ADD3: variants seen among roughly 807,000 people sequenced by gnomAD.
ADD3 encodes gamma-adducin.
Under a neutral mutation model 80.2 loss-of-function variants are expected in ADD3, and 25 were observed. The observed-to-expected ratio is 0.31, with a 90% CI of 0.23 to 0.44. The LOEUF (loss-of-function observed/expected upper bound fraction) is 0.44, where lower values mean the gene tolerates loss of function less well. Ranked by LOEUF, ADD3 falls within the 20% of genes least tolerant of loss-of-function variation. The pLI, the probability that ADD3 is intolerant of heterozygous loss-of-function variation, is 1.00. For missense variants in ADD3, 829 were observed against 847.5 expected (o/e 0.98, Z 0.27); for synonymous variants, 284 against 289.6 (o/e 0.98, Z 0.20).
chr10:110,098,897 C>T (rs1331939937), intron 1 of ADD3, among the ~76,000 whole-genome samples: 2 of 151,976 alleles, frequency 1.3e-5, no homozygotes, highest in East Asian at 1.9e-4. Flanking sequence ...CAAAGTGCTG[C>T]GATTATGGGC....
chr10:110,122,378 T>G, intron 9 of ADD3, 86 bp downstream of exon 9: 1 of 1,232,772 alleles, frequency 8.1e-7, no homozygotes, highest in Non-Finnish European at 1.1e-6. Flanking sequence ...ACATGCTCCA[T>G]ACTCTTCCAG....
intron 1 of ADD3, among the ~76,000 whole-genome samples, chr10:110,048,117 C>T (rs998255835): frequency 5.3e-5 from 8 of 152,118 alleles, no homozygotes; most frequent in Non-Finnish European, 1.2e-4. Context: ...CCTTAAGTCT[C>T]ACGAGATGTG....
Position 110,101,962 on chromosome 10 carries a change from A to G in ADD3, c.195+1114A>G, listed in dbSNP as rs118147427. Reference sequence around the variant, plus strand: ...CTGCCTGAAGTAGCCCTGGTAAATCATTTTTGTTGTGTCCTTGTGAATTTA... The same window carrying G: ...CTGCCTGAAGTAGCCCTGGTAAATCGTTTTTGTTGTGTCCTTGTGAATTTA... On this transcript the variant is annotated intron_variant, in intron 2 of 14. Coordinates refer to ENST00000356080, the MANE Select transcript of ADD3 (RefSeq NM_016824.5). 7.5e-3 allele frequency among the ~76,000 whole-genome samples: 1,144 copies of G among 152,292 alleles called. 5 individuals carry two copies. Among genetic ancestry groups the G allele is most frequent in the Non-Finnish European group, 0.012 (838 of 68,032 alleles).
At chr10:110,059,043 C>T (rs536345327) in intron 1 of ADD3, among the ~76,000 whole-genome samples, 2 of 152,174 alleles carry the variant, frequency 1.3e-5, no homozygotes, top group Non-Finnish European at 2.9e-5. Context: ...CTCTTTTCAC[C>T]TCCATTACCT....
chr10:110,113,349 C>A (rs7913373), intron 3 of ADD3, among the ~76,000 whole-genome samples: 19,927 of 152,156 alleles, frequency 0.13, 4,193 homozygotes, highest in African/African-American at 0.44. Flanking sequence ...CTCACTGCAA[C>A]CTCCACCTCG....
In ADD3 at chr10:110,133,314, C is replaced by T; in HGVS notation, c.1829-12C>T. ...TGTAAAATAACCCCCAAAAAACCCTCCCCTTTCGTAGAAAACCATGAGCTG... is the reference window on the plus strand; with the variant it reads ...TGTAAAATAACCCCCAAAAAACCCTTCCCTTTCGTAGAAAACCATGAGCTG... On this transcript the variant is annotated splice_polypyrimidine_tract_variant and intron_variant, in intron 14 of 14. Transcript: ENST00000356080. The T allele has an allele frequency of 1.3e-6, 2 of 1,561,254 alleles. No homozygotes were observed. Among genetic ancestry groups the T allele is most frequent in the East Asian group, 2.3e-5 (1 of 43,938 alleles).
chr10:110,093,661 A>G (rs535823403), intron 1 of ADD3, among the ~76,000 whole-genome samples: 1 of 152,280 alleles, frequency 6.6e-6, no homozygotes, highest in Admixed American at 6.5e-5. Flanking sequence ...TTTGGAACTC[A>G]AAGTTGTGTG....
intron 1 of ADD3, chr10:109,997,502 G>C (rs1851403518): frequency 6.6e-6 from 1 of 152,196 alleles, no homozygotes; most frequent in South Asian, 2.1e-4. Context: ...TGCTGCCCTT[G>C]AAATCCCTGC....
chr10:110,111,673 C>T (rs61881641), intron 2 of ADD3, among the ~76,000 whole-genome samples: 4,135 of 152,182 alleles, frequency 0.027, 198 homozygotes, highest in East Asian at 0.2. Context: ...CCCAGCACTT[C>T]GGAAGGCAGA....
rs543005015 is a variant in ADD3 at position 110,119,281 on chromosome 10, A to G, written c.788A>G (p.Tyr263Cys). The change falls in exon 7 of 15, where the codon TAT becomes TGT. Residue 263 changes from tyrosine (Y) to cysteine (C), a missense_variant. Transcript: ENST00000356080. ...ESLLLGDVAYYDYQGSLEEQE... is the reference protein window; with the variant it reads ...ESLLLGDVAYCDYQGSLEEQE... ...CTTCTTCTGGGAGATGTTGCCTATT[A>G]TGACTACCAAGGGTCACTTGAAGAA... The G allele has an allele frequency of 1.3e-5, 21 of 1,614,138 alleles. No individual in the cohort carries two copies. In the East Asian group the frequency reaches 4.0e-4, roughly 31 times the overall value.
chr10:110,068,175 C>T lies in ADD3; in HGVS notation c.-29-32450C>T, dbSNP rs994357379. 4.6e-5 allele frequency among the ~76,000 whole-genome samples: 7 copies of T among 152,226 alleles called. No individual in the cohort carries two copies. In the South Asian group the frequency reaches 1.2e-3, roughly 27 times the overall value. ...TGTCACCCTTGGCTCCCTATATTGT[C>T]TCTTCATCTGGTTTCTTAGCTCCTC... On this transcript the variant is annotated intron_variant, in intron 1 of 14. Coordinates refer to ENST00000356080, the MANE Select transcript of ADD3 (RefSeq NM_016824.5).
chr10:110,074,278 G>A (rs1845124229), intron 1 of ADD3, among the ~76,000 whole-genome samples: 1 of 152,122 alleles, frequency 6.6e-6, no homozygotes, highest in Non-Finnish European at 1.5e-5. Flanking sequence ...CACTTTAGTT[G>A]GAGACAGTTT....
intron 1 of ADD3, among the ~76,000 whole-genome samples, chr10:110,088,691 G>A (rs2133843451): frequency 6.6e-6 from 1 of 152,290 alleles, no homozygotes; most frequent in Admixed American, 6.5e-5. Context: ...TCTTTAGCTT[G>A]AATATCTGAA....
chr10:110,053,178 C>G (rs1857726521), intron 1 of ADD3, among the ~76,000 whole-genome samples: 1 of 152,024 alleles, frequency 6.6e-6, no homozygotes, highest in African/African-American at 2.4e-5. Context: ...AACAATTTAC[C>G]AGTGATCTGT....
chr10:110,122,408 G>A (rs1851619728), intron 9 of ADD3, 116 bp downstream of exon 9: 1 of 888,984 alleles, frequency 1.1e-6, no homozygotes, highest in Middle Eastern at 3.5e-4. Flanking sequence ...TTGGCCCTAG[G>A]AAAGCATTTC....
chr10:110,124,563 A>G (rs1297859884), intron 10 of ADD3, among the ~76,000 whole-genome samples: 1 of 152,160 alleles, frequency 6.6e-6, no homozygotes, highest in African/African-American at 2.4e-5. Flanking sequence ...GATTTGCATG[A>G]AGACAGTCTG....
intron 8 of ADD3, among the ~76,000 whole-genome samples, chr10:110,120,483 A>G (rs563679044): frequency 3.3e-5 from 5 of 152,114 alleles, no homozygotes; most frequent in African/African-American, 9.6e-5. Context: ...ATTGTTGGAC[A>G]TTTGGTTGGT....
intron 1 of ADD3, among the ~76,000 whole-genome samples, chr10:110,029,823 G>A (rs1000637706): frequency 6.6e-6 from 1 of 152,188 alleles, no homozygotes; most frequent in Non-Finnish European, 1.5e-5. Flanking sequence ...TTAACTAAAG[G>A]TATGATTGTC....
intron 1 of ADD3, among the ~76,000 whole-genome samples, chr10:110,019,147 T>C (rs532612634): frequency 6.6e-6 from 1 of 152,288 alleles, no homozygotes; most frequent in East Asian, 1.9e-4. Context: ...TTAAATCTAA[T>C]ATGTGGATGA....
Sources: allele counts gnomAD v4.1 joint callset (sites outside exome capture counted in the v4.1 genomes callset), GRCh38; gene constraint gnomAD v4.1.1; transcripts MANE v1.5; gene names NCBI Gene and HGNC (gene_info 2026-07-23, HGNC 2026-07-21).